Variants in CDH8 observed in about 807,000 individuals in gnomAD.
CDH8 encodes the protein cadherin-8.
A neutral mutation model predicts 68.1 loss-of-function variants in CDH8; 17 were observed. The observed-to-expected ratio is 0.25, with a 90% CI of 0.17 to 0.37. The LOEUF is 0.37. CDH8 is among the 10% of genes least tolerant of loss of function. The pLI, the probability that CDH8 is intolerant of heterozygous loss-of-function variation, is 1.00. For synonymous variants in CDH8, 372 were observed against 365.1 expected (o/e 1.02, Z -0.21); for missense variants, 763 against 999.3 (o/e 0.76, Z 3.19).
intron 4 of CDH8, among the ~76,000 whole-genome samples, chr16:61,836,694 C>G (rs149302146): frequency 6.6e-6 from 1 of 151,994 alleles, no homozygotes; most frequent in Admixed American, 6.6e-5. Context: ...CATAGACTGA[C>G]GACTTGTCTA....
intron 2 of CDH8, among the ~76,000 whole-genome samples, chr16:61,910,729 G>T (rs373558540): frequency 1.3e-5 from 2 of 152,074 alleles, no homozygotes; most frequent in Non-Finnish European, 2.9e-5. Flanking sequence ...GACTCTTATG[G>T]GGATTAAATT....
chr16:61,840,805 C>T (rs1393414483), intron 4 of CDH8, among the ~76,000 whole-genome samples: 1 of 152,044 alleles, frequency 6.6e-6, no homozygotes, highest in Non-Finnish European at 1.5e-5. Context: ...GGATAAATAG[C>T]TAATGCATGT....
chr16:61,842,653 A>G (rs1962711097), intron 4 of CDH8, among the ~76,000 whole-genome samples: 1 of 152,190 alleles, frequency 6.6e-6, no homozygotes, highest in South Asian at 2.1e-4. Context: ...CTGAAGATGT[A>G]TAGAGGATTA....
At position 61,834,409 on chromosome 16, in the gene CDH8, A is replaced by G. The variant is rs145500466; in HGVS notation, c.668-9230T>C. Among the ~76,000 whole-genome samples, 25 of 152,080 alleles carry G rather than the reference A, an allele frequency of 1.6e-4. No homozygotes were observed. The East Asian group carries it at 4.7e-3, about 28-fold the overall frequency. ...TTTGCCAGAAGAAGGACATAGCACT[A>G]CAATTAATGCTAGTGAGGTGAGTGT... On this transcript the variant is annotated intron_variant, in intron 4 of 11. Transcript: ENST00000577390.
rs370241599 is a variant in CDH8, at chr16:61,768,394, CCCTT to C, written c.1414+20948_1414+20951del. On this transcript the variant is annotated intron_variant, in intron 8 of 11. Transcript: ENST00000577390. Reference sequence around the variant, plus strand: ...CCTTTCTCTCTCTCTCTCTCTCTCTCCCTTTCTCTCTCTCTCTCTCTCTCTCTCT... The same window carrying C: ...CCTTTCTCTCTCTCTCTCTCTCTCTCTCTCTCTCTCTCTCTCTCTCTCTCT... Among the ~76,000 whole-genome samples the C allele has an allele frequency of 8.2e-3, 392 of 47,844 alleles. 5 individuals carry two copies. Among genetic ancestry groups the C allele is most frequent in the Middle Eastern group, 0.019 (1 of 54 alleles). The allele number at this position is 47,844 out of a possible 152,430, so 31.4% of individuals were successfully genotyped here.
chr16:61,959,228 G>A (rs1161068187), intron 2 of CDH8, among the ~76,000 whole-genome samples: 6 of 151,958 alleles, frequency 3.9e-5, no homozygotes, highest in African/African-American at 1.5e-4. Context: ...TTATTCACCT[G>A]CCTGGCTGCA....
chr16:61,731,453 T>C (rs1329613884), intron 8 of CDH8, among the ~76,000 whole-genome samples: 1 of 151,726 alleles, frequency 6.6e-6, no homozygotes, highest in Non-Finnish European at 1.5e-5. Flanking sequence ...TAAACAACCT[T>C]AATAGCTGGA....
chr16:61,727,813 A>G (rs1261252190), intron 8 of CDH8, among the ~76,000 whole-genome samples: 14 of 151,322 alleles, frequency 9.3e-5, no homozygotes, highest in Admixed American at 7.9e-4. Context: ...TGTCATTTTC[A>G]TGAGGACTTT....
intron 1 of CDH8, among the ~76,000 whole-genome samples, chr16:62,024,935 G>A (rs1372417773): frequency 6.6e-6 from 1 of 152,146 alleles, no homozygotes; most frequent in African/African-American, 2.4e-5. Context: ...GGGAGAGAAA[G>A]GCAAATGGGT....
chr16:61,869,463 T>C lies in CDH8; in HGVS notation c.548-12225A>G, dbSNP rs145555955. The stretch of plus-strand genomic sequence containing the variant: ...ATGATGAATAGCCCAACTTCAAAGG[T>C]AGTCTGTGATTTTACAATATTGACT... On this transcript the variant is annotated intron_variant, in intron 3 of 11. Transcript: ENST00000577390. 8.5e-4 allele frequency among the ~76,000 whole-genome samples: 129 copies of C among 152,298 alleles called. 1 individual carries two copies. The highest frequency in any genetic ancestry group is 3.0e-3 in the African/African-American group (124 of 41,578).
chr16:61,928,769 T>C (rs1214973134), intron 2 of CDH8, among the ~76,000 whole-genome samples: 1 of 152,210 alleles, frequency 6.6e-6, no homozygotes, highest in Non-Finnish European at 1.5e-5. Flanking sequence ...TCTGTCTACA[T>C]TGTATTCTAA....
chr16:61,901,622 C>A (rs374121631), intron 2 of CDH8, 149 bp from the exon 3 acceptor site: 4 of 605,648 alleles, frequency 6.6e-6, no homozygotes, highest in Non-Finnish European at 1.2e-5. Context: ...TGCAGCTGTG[C>A]GGATATCAAT....
At chr16:61,824,739 T>C (rs554518059) in intron 5 of CDH8, among the ~76,000 whole-genome samples, 2 of 151,978 alleles carry the variant, frequency 1.3e-5, no homozygotes, top group African/African-American at 4.8e-5. Context: ...TAAAGAGAAA[T>C]AGCAGGCAAA....
intron 2 of CDH8, among the ~76,000 whole-genome samples, chr16:61,961,969 A>T (rs963732335): frequency 6.6e-6 from 1 of 152,246 alleles, no homozygotes; most frequent in African/African-American, 2.4e-5. Context: ...TAATGTAAAT[A>T]GTTGATTATC....
At chr16:61,944,472 C>T (rs1964771030) in intron 2 of CDH8, among the ~76,000 whole-genome samples, 1 of 152,054 alleles carries the variant, frequency 6.6e-6, no homozygotes. Flanking sequence ...TTCAATATTG[C>T]CTGTATTGAT....
In CDH8 at chr16:61,727,166, A is replaced by G; in HGVS notation, c.1464T>C (p.Asp488=). The change falls in exon 9 of 12, where the codon GAT becomes GAC. Residue 488 remains aspartate (D), a synonymous_variant. Coordinates refer to ENST00000577390, the MANE Select transcript of CDH8 (RefSeq NM_001796.5). Reference sequence around the variant, plus strand: ...CGAATTCAGGGGCGTTGTCATTGACATCCAGCACTTTAATAGCAACAGGTA... The same window carrying G: ...CGAATTCAGGGGCGTTGTCATTGACGTCCAGCACTTTAATAGCAACAGGTA... ...SRVPVAIKVL[D]VNDNAPEFAS... is the part of the protein sequence containing the mutation. 3 of 1,610,316 alleles carry G rather than the reference A, an allele frequency of 1.9e-6. No homozygotes were observed. The highest frequency in any genetic ancestry group is 2.5e-6 in the Non-Finnish European group (3 of 1,177,512).
intron 10 of CDH8, among the ~76,000 whole-genome samples, chr16:61,680,644 T>TAC (rs1159839822): frequency 1.3e-5 from 2 of 150,228 alleles, no homozygotes; most frequent in Non-Finnish European, 3.0e-5. Context: ...CACACATACA[T>TAC]ACACACACAC....
chr16:61,887,113 T>C (rs1249419804), intron 3 of CDH8, among the ~76,000 whole-genome samples: 2 of 152,202 alleles, frequency 1.3e-5, no homozygotes, highest in Non-Finnish European at 2.9e-5. Context: ...TTGGTAATGA[T>C]AATTTAGTAA....
chr16:61,743,268 A>T (rs1414684826), intron 8 of CDH8: 1 of 152,134 alleles, frequency 6.6e-6, no homozygotes, highest in African/African-American at 2.4e-5. Flanking sequence ...AGAATCTATC[A>T]CGGGAGCACA....
Sources: allele counts gnomAD v4.1 joint callset (sites outside exome capture counted in the v4.1 genomes callset), GRCh38; gene constraint gnomAD v4.1.1; transcripts MANE v1.5; gene names NCBI Gene and HGNC (gene_info 2026-07-23, HGNC 2026-07-21).